Variants in TRABD2A observed in about 807,000 individuals in gnomAD.
TRABD2A encodes the protein metalloprotease TIKI1.
In TRABD2A, 43 loss-of-function variants were observed where a neutral mutation model predicts 45.6. The observed-to-expected ratio is 0.94, with a 90% CI of 0.74 to 1.22. The LOEUF (loss-of-function observed/expected upper bound fraction) is 1.22. Ranked by LOEUF, TRABD2A falls within the 50% of genes most tolerant of loss-of-function variation. The pLI, the probability that TRABD2A is intolerant of heterozygous loss-of-function variation, is 0.00. For missense variants in TRABD2A, 642 were observed against 652.4 expected, an observed-to-expected ratio of 0.98 and a Z score of 0.17; for synonymous variants, 269 against 265.0, an observed-to-expected ratio of 1.02 and a Z score of -0.15.
At chr2:84,847,062 C>A (rs1276220743) in intron 2 of TRABD2A, among the ~76,000 whole-genome samples, 2 of 152,170 alleles carry the variant, frequency 1.3e-5, no homozygotes, top group East Asian at 3.9e-4. Flanking sequence ...TGGAGTGAAC[C>A]TTTGGTCAGG....
intron 4 of TRABD2A, 22 bp from the exon 5 acceptor site, chr2:84,832,167 G>C: frequency 6.2e-7 from 1 of 1,612,708 alleles, no homozygotes; most frequent in Non-Finnish European, 8.5e-7. Flanking sequence ...AAAACAACCT[G>C]AAATGCTGCA....
intron 4 of TRABD2A, chr2:84,833,639 C>T (rs990055496): frequency 6.6e-6 from 1 of 152,040 alleles, no homozygotes; most frequent in African/African-American, 2.4e-5. Context: ...TAATGTGTTT[C>T]GGAGCAATTT....
chr2:84,840,842 T>G (rs751432238), intron 3 of TRABD2A, among the ~76,000 whole-genome samples: 1 of 152,188 alleles, frequency 6.6e-6, no homozygotes, highest in African/African-American at 2.4e-5. Context: ...TCCTCTAGAT[T>G]TTTGGGGATG....
Position 84,880,948 on chromosome 2 carries a change from C to G in TRABD2A, c.92G>C (p.Cys31Ser). The change falls in exon 1 of 7, where the codon TGC (cysteine) becomes TCC (serine). Residue 31 changes from cysteine (C) to serine (S), a missense_variant. Cys to Ser is a moderately radical substitution (Grantham distance 112, BLOSUM62 -1). Transcript: ENST00000409520. ...GCGCCTTACTTGGGGCTTGAGCTCG[C>G]AGTTGGCGGTGCCGGGCGCCCCGCG... ...SRRGAPGTAN[C>S]ELKPQQSELN... 1 of 1,596,578 alleles carries G rather than the reference C, an allele frequency of 6.3e-7. No individual in the cohort carries two copies. The highest frequency in any genetic ancestry group is 8.5e-7 in the Non-Finnish European group (1 of 1,172,408).
intron 2 of TRABD2A, among the ~76,000 whole-genome samples, chr2:84,869,163 C>T (rs1378379827): frequency 6.6e-6 from 1 of 152,160 alleles, no homozygotes; most frequent in East Asian, 1.9e-4. Context: ...TAAATAACAA[C>T]CTTAGTTCAG....
intron 2 of TRABD2A, among the ~76,000 whole-genome samples, chr2:84,868,234 C>T (rs973729140): frequency 8.5e-5 from 13 of 152,124 alleles, no homozygotes; most frequent in South Asian, 2.1e-4. Flanking sequence ...GGCACATATA[C>T]GCCTTGGAAT....
chr2:84,848,570 GAGAGAGAGAC>G (rs1439431416), intron 2 of TRABD2A, among the ~76,000 whole-genome samples: 1 of 141,366 alleles, frequency 7.1e-6, no homozygotes, highest in Non-Finnish European at 1.6e-5. Context: ...TACATATATA[GAGAGAGAGAC>G]AGAGAGAGAG....
intron 2 of TRABD2A, among the ~76,000 whole-genome samples, chr2:84,849,752 G>A (rs1349494433): frequency 6.6e-6 from 1 of 152,168 alleles, no homozygotes; most frequent in Non-Finnish European, 1.5e-5. Context: ...CCTTAGAGAG[G>A]TGCTGGTCTT....
intron 4 of TRABD2A, chr2:84,836,422 C>T (rs1160272451): frequency 6.6e-6 from 1 of 152,094 alleles, no homozygotes; most frequent in African/African-American, 2.4e-5. Flanking sequence ...GCTGTTAATC[C>T]TATTGGGGAT....
At chr2:84,822,668 T>A (rs977439001) in intron 6 of TRABD2A, among the ~76,000 whole-genome samples, 2 of 152,234 alleles carry the variant, frequency 1.3e-5, no homozygotes, top group African/African-American at 4.8e-5. Context: ...GAAAAAGTAC[T>A]AAACAGGTCA....
chr2:84,831,988 C>T, intron 5 of TRABD2A, 67 bp downstream of exon 5: 1 of 1,557,606 alleles, frequency 6.4e-7, no homozygotes, highest in Non-Finnish European at 8.9e-7. Flanking sequence ...AGCAGCCCAC[C>T]CTGGTGCCCA....
At chr2:84,847,571 T>C (rs540636639) in intron 2 of TRABD2A, among the ~76,000 whole-genome samples, 45 of 152,278 alleles carry the variant, frequency 3.0e-4, no homozygotes, top group Non-Finnish European at 5.3e-4. Flanking sequence ...AGCAGTATGC[T>C]CAGCCAGGAG....
chr2:84,844,982 T>C (rs1573930681), intron 2 of TRABD2A, among the ~76,000 whole-genome samples: 2 of 152,242 alleles, frequency 1.3e-5, no homozygotes, highest in South Asian at 4.1e-4. Context: ...TTGGAGAAGA[T>C]TGAGTTACCC....
chr2:84,825,960 C>CGGGG (rs1559083144), intron 5 of TRABD2A, among the ~76,000 whole-genome samples: 1 of 152,126 alleles, frequency 6.6e-6, no homozygotes, highest in Non-Finnish European at 1.5e-5. Flanking sequence ...CCCCCCTCCC[C>CGGGG]GATCCATGGA....
chr2:84,854,497 A>G (rs2105393637), intron 2 of TRABD2A, among the ~76,000 whole-genome samples: 1 of 152,356 alleles, frequency 6.6e-6, no homozygotes, highest in Middle Eastern at 3.4e-3. Context: ...AGACTCAGAA[A>G]GGTTCAATAT....
At chr2:84,826,919 G>C (rs371059527) in intron 5 of TRABD2A, among the ~76,000 whole-genome samples, 1 of 152,194 alleles carries the variant, frequency 6.6e-6, no homozygotes, top group African/African-American at 2.4e-5. Context: ...AAAATATAGA[G>C]AGTATAAATT....
intron 2 of TRABD2A, among the ~76,000 whole-genome samples, chr2:84,847,004 CTGGAGGGA>C (rs1553513767): frequency 6.6e-6 from 1 of 152,234 alleles, no homozygotes; most frequent in Non-Finnish European, 1.5e-5. Flanking sequence ...TCAGGCTGCC[CTGGAGGGA>C]AGCTGGGCAG....
At chr2:84,879,512 C>T (rs1683133722) in intron 1 of TRABD2A, 1 of 841,476 alleles carries the variant, frequency 1.2e-6, no homozygotes, top group South Asian at 5.5e-5. Flanking sequence ...GTAAAGGAGT[C>T]CTGAGACCAA....
At chr2:84,847,109 T>G (rs554295824) in intron 2 of TRABD2A, among the ~76,000 whole-genome samples, 2 of 152,226 alleles carry the variant, frequency 1.3e-5, no homozygotes, top group East Asian at 3.9e-4. Flanking sequence ...AGGAGGTAAC[T>G]CCCTCTCCAG....
Sources: gnomAD v4.1 joint callset for allele counts (sites outside exome capture counted in the v4.1 genomes callset) on GRCh38, gnomAD v4.1.1 for gene constraint, MANE v1.5 for transcripts, NCBI Gene and HGNC (gene_info 2026-07-23, HGNC 2026-07-21) for gene names.